The following LARGE1 variants were observed in gnomAD, a reference collection of about 807,000 sequenced individuals.
LARGE1 encodes xylosyl- and glucuronyltransferase LARGE1.
In LARGE1, 43 loss-of-function variants were observed where a neutral mutation model predicts 87.6. That is an observed-to-expected ratio of 0.49 (90% CI 0.38 to 0.63). LARGE1 has a LOEUF of 0.63. Ranked by LOEUF, LARGE1 falls within the 30% of genes least tolerant of loss-of-function variation. LARGE1 has a pLI of 0.00. For missense variants in LARGE1, 802 were observed against 1,000.2 expected, an observed-to-expected ratio of 0.80 and a Z score of 2.67; for synonymous variants, 434 against 394.6, an observed-to-expected ratio of 1.10 and a Z score of -1.18.
chr22:33,821,989 C>T (rs1479550977), intron 1 of LARGE1, among the ~76,000 whole-genome samples: 4 of 138,724 alleles, frequency 2.9e-5, no homozygotes, highest in African/African-American at 8.4e-5. Context: ...GTTTCTATTG[C>T]GGGTATATTT....
At chr22:33,895,341 T>C (rs1357205245) in intron 1 of LARGE1, among the ~76,000 whole-genome samples, 1 of 152,200 alleles carries the variant, frequency 6.6e-6, no homozygotes, top group Non-Finnish European at 1.5e-5. Context: ...GCAGGTCTCC[T>C]GGGAGGCTAC....
At chr22:33,483,848 C>T (rs886880366) in intron 6 of LARGE1, among the ~76,000 whole-genome samples, 1 of 152,048 alleles carries the variant, frequency 6.6e-6, no homozygotes, top group Non-Finnish European at 1.5e-5. Flanking sequence ...GGTGGAGAAT[C>T]CTGTTCCCCA....
chr22:33,576,563 C>A (rs549670674), intron 5 of LARGE1, among the ~76,000 whole-genome samples: 1 of 152,072 alleles, frequency 6.6e-6, no homozygotes, highest in Admixed American at 6.5e-5. Flanking sequence ...TCAGGGTATG[C>A]CATAACCTGT....
At chr22:33,765,707 C>CAAAAAA (rs33943950) in intron 1 of LARGE1, among the ~76,000 whole-genome samples, 26 of 69,618 alleles carry the variant, frequency 3.7e-4, no homozygotes, top group African/African-American at 1.1e-3. Flanking sequence ...CTCCATCTCA[C>CAAAAAA]AAAAAAAAAA....
chr22:33,232,910 A>G (rs764735658), intron 11 of LARGE1, among the ~76,000 whole-genome samples: 6 of 152,110 alleles, frequency 3.9e-5, no homozygotes, highest in Non-Finnish European at 5.9e-5. Context: ...AATATAACCC[A>G]TGTTTCTGGG....
chr22:33,393,131 T>C (rs1298714377), intron 7 of LARGE1, among the ~76,000 whole-genome samples: 1 of 152,230 alleles, frequency 6.6e-6, no homozygotes, highest in Admixed American at 6.5e-5. Flanking sequence ...CTGTTTAGGA[T>C]GTTAAATATA....
the LARGE1 span, among the ~76,000 whole-genome samples, chr22:33,129,875 C>A: frequency 2.0e-5 from 3 of 152,190 alleles, no homozygotes; most frequent in Non-Finnish European, 2.9e-5. Flanking sequence ...CTGGTCCAAC[C>A]TTTGACACGT....
intron 1 of LARGE1, among the ~76,000 whole-genome samples, chr22:33,777,396 G>A (rs773739429): frequency 3.3e-5 from 5 of 151,990 alleles, no homozygotes; most frequent in African/African-American, 4.8e-5. Flanking sequence ...CCAGCACTTC[G>A]GGAGGCTGAG....
At chr22:33,475,252 T>A (rs1027106934) in intron 6 of LARGE1, among the ~76,000 whole-genome samples, 3 of 152,084 alleles carry the variant, frequency 2.0e-5, no homozygotes, top group African/African-American at 7.2e-5. Flanking sequence ...ACTTTACCAG[T>A]CAAAGGCAAG....
chr22:33,494,311 G>C (rs561600767), intron 6 of LARGE1, among the ~76,000 whole-genome samples: 1 of 152,222 alleles, frequency 6.6e-6, no homozygotes, highest in East Asian at 1.9e-4. Flanking sequence ...GAGATGGCTT[G>C]TGTGTGCTGT....
At position 33,382,064 on chromosome 22, in the gene LARGE1, G is replaced by A. The variant is rs750714989; in HGVS notation, c.1006-20C>T. Reference sequence around the variant, plus strand: ...AATATCCTGGGGGATGAAAGCCAAAGACACAGTCAAGACAGTCGGATGGTC... The same window carrying A: ...AATATCCTGGGGGATGAAAGCCAAAAACACAGTCAAGACAGTCGGATGGTC... On this transcript the variant is annotated intron_variant, in intron 8 of 14. Transcript: ENST00000397394. 5 of 1,613,938 alleles carry A rather than the reference G, an allele frequency of 3.1e-6. No individual in the cohort carries two copies. Among genetic ancestry groups the A allele is most frequent in the Non-Finnish European group, 4.2e-6 (5 of 1,179,968 alleles).
chr22:33,077,582 A>T, the LARGE1 span, among the ~76,000 whole-genome samples: 1 of 152,190 alleles, frequency 6.6e-6, no homozygotes, highest in Non-Finnish European at 1.5e-5. Flanking sequence ...CAATAAAACG[A>T]GATGAATTTC....
At chr22:33,507,329 C>A (rs1313526663) in intron 6 of LARGE1, among the ~76,000 whole-genome samples, 2 of 152,074 alleles carry the variant, frequency 1.3e-5, no homozygotes, top group Non-Finnish European at 2.9e-5. Flanking sequence ...GAGTGCAGAG[C>A]TAAGGATGCT....
At chr22:33,712,637 A>AGTGTGTGTGTGTGTGTGT (rs34754283) in intron 2 of LARGE1, among the ~76,000 whole-genome samples, 31 of 134,738 alleles carry the variant, frequency 2.3e-4, no homozygotes, top group African/African-American at 7.6e-4. Context: ...TGAGGGGTAC[A>AGTGTGTGTGTGTGTGTGT]GTGTGTGTGT....
chr22:33,759,135 G>A (rs768891287), intron 2 of LARGE1, among the ~76,000 whole-genome samples: 4 of 152,212 alleles, frequency 2.6e-5, no homozygotes, highest in Admixed American at 1.3e-4. Flanking sequence ...GATAGAGGGA[G>A]ACCTAGCTAC....
intron 5 of LARGE1, among the ~76,000 whole-genome samples, chr22:33,580,157 G>A (rs1274265768): frequency 6.6e-6 from 1 of 151,842 alleles, no homozygotes; most frequent in South Asian, 2.1e-4. Flanking sequence ...GATCACCTGA[G>A]CTCGGGAGTT....
intron 6 of LARGE1, among the ~76,000 whole-genome samples, chr22:33,556,548 G>C (rs1361866188): frequency 1.2e-5 from 1 of 81,138 alleles, no homozygotes. Flanking sequence ...AGGAGGGAGG[G>C]AGGGAGGGAG....
chr22:33,413,912 A>G (rs1442475840), intron 7 of LARGE1, among the ~76,000 whole-genome samples: 1 of 152,178 alleles, frequency 6.6e-6, no homozygotes, highest in African/African-American at 2.4e-5. Context: ...TTGCATGAAT[A>G]CACCACATTT....
At chr22:33,475,311 T>C (rs1477210847) in intron 6 of LARGE1, among the ~76,000 whole-genome samples, 1 of 152,114 alleles carries the variant, frequency 6.6e-6, no homozygotes, top group Non-Finnish European at 1.5e-5. Context: ...AGGATGATAA[T>C]AATAGGATTT....
Sources: gnomAD v4.1 joint callset for allele counts (sites outside exome capture counted in the v4.1 genomes callset) on GRCh38, gnomAD v4.1.1 for gene constraint, MANE v1.5 for transcripts, NCBI Gene and HGNC (gene_info 2026-07-23, HGNC 2026-07-21) for gene names.